The following HCN2 variants were observed in gnomAD, a reference collection of about 807,000 sequenced individuals.
HCN2 encodes the protein potassium/sodium hyperpolarization-activated cyclic nucleotide-gated channel 2.
A neutral mutation model predicts 52.3 loss-of-function variants in HCN2; 20 were observed. The observed-to-expected ratio is 0.38, with a 90% CI of 0.27 to 0.56. The LOEUF (loss-of-function observed/expected upper bound fraction) is 0.56. Ranked by LOEUF, HCN2 falls within the 20% of genes least tolerant of loss-of-function variation. The pLI, the probability that HCN2 is intolerant of heterozygous loss-of-function variation, is 0.71. For missense variants in HCN2, 981 were observed against 1,207.7 expected, an observed-to-expected ratio of 0.81 and a Z score of 2.78; for synonymous variants, 694 against 537.0, an observed-to-expected ratio of 1.29 and a Z score of -4.04.
chr19:591,462 G>C lies in HCN2; in HGVS notation c.632+885G>C, dbSNP rs909593879. Among the ~76,000 whole-genome samples the C allele has an allele frequency of 3.9e-5, 6 of 152,168 alleles. No homozygotes were observed. The highest frequency in any genetic ancestry group is 1.4e-4 in the African/African-American group (6 of 41,450). On this transcript the variant is annotated intron_variant, in intron 1 of 7. Transcript: ENST00000251287. The surrounding 1 kb of genome is among the most constrained non-coding windows in gnomAD (Gnocchi z 4.1). ...TTTGTGTGTGTTGGGACCAGGTGGC[G>C]GGCGTGCGCGTGTACGCCCGGGGCC...
intron 1 of HCN2, among the ~76,000 whole-genome samples, chr19:596,510 G>T (rs551559922): frequency 6.6e-6 from 1 of 152,338 alleles, no homozygotes; most frequent in South Asian, 2.1e-4. Flanking sequence ...CAGGACCCCC[G>T]CGTTTCCGAG....
At position 594,848 on chromosome 19, in the gene HCN2, C is replaced by T. The variant is rs533644492; in HGVS notation, c.632+4271C>T. 9.2e-5 allele frequency among the ~76,000 whole-genome samples: 14 copies of T among 152,156 alleles called. No individual in the cohort carries two copies. The East Asian group carries it at 1.9e-3, about 21-fold the overall frequency. On this transcript the variant is annotated intron_variant, in intron 1 of 7. Coordinates refer to ENST00000251287, the MANE Select transcript of HCN2 (RefSeq NM_001194.4). ...TGGTCTGCGTGGAGGGGTCAGGGGT[C>T]GGGGTGGCCAAGGCCTCCCCGCTCT...
chr19:594,222 G>A (rs1600516146), intron 1 of HCN2, among the ~76,000 whole-genome samples: 1 of 45,974 alleles, frequency 2.2e-5, no homozygotes, highest in Non-Finnish European at 3.7e-5. Flanking sequence ...TGCCCCCGGT[G>A]TCACCGAGGG....
In HCN2 at chr19:611,190, G is replaced by A. The variant is rs144971808; in HGVS notation, c.1584+785G>A. ...GAACCGGGGGTCAGGATGTCAGCCT[G>A]TCTTTCTGGGAGATGTAGTTCAACC... On this transcript the variant is annotated intron_variant, in intron 5 of 7. Coordinates refer to ENST00000251287, the MANE Select transcript of HCN2 (RefSeq NM_001194.4). Among the ~76,000 whole-genome samples, 12 of 152,348 alleles carry A rather than the reference G, an allele frequency of 7.9e-5. No individual in the cohort carries two copies. The South Asian group carries it at 2.3e-3, about 29-fold the overall frequency.
rs1400939618 is a variant in HCN2, at chr19:592,275, TG to T, written c.632+1703del. Among the ~76,000 whole-genome samples, 1 of 152,064 alleles carries T rather than the reference TG, an allele frequency of 6.6e-6. No homozygotes were observed. Among genetic ancestry groups the T allele is most frequent in the Non-Finnish European group, 1.5e-5 (1 of 67,988 alleles). On this transcript the variant is annotated intron_variant, in intron 1 of 7. Coordinates refer to ENST00000251287, the MANE Select transcript of HCN2 (RefSeq NM_001194.4). The surrounding 1 kb of genome is among the most constrained non-coding windows in gnomAD (Gnocchi z 4.8). ...CGACAGAGATGGGTGCACCGCAGCGTGGGGGCTGGCAGGTGGAGGCCCACAC... is the reference window on the plus strand; with the variant it reads ...CGACAGAGATGGGTGCACCGCAGCGTGGGGCTGGCAGGTGGAGGCCCACAC...
chr19:596,366 G>C (rs1983029607), intron 1 of HCN2, among the ~76,000 whole-genome samples: 1 of 152,176 alleles, frequency 6.6e-6, no homozygotes, highest in Non-Finnish European at 1.5e-5. Context: ...TGGAGTGAGA[G>C]GGGGTCCGAG....
In HCN2 at chr19:615,997, G is replaced by A. The variant is rs1201796734; in HGVS notation, c.2193G>A (p.Gln731=). 6.4e-7 allele frequency: 1 copy of A among 1,558,476 alleles called. No homozygotes were observed. Among genetic ancestry groups the A allele is most frequent in the East Asian group, 2.4e-5 (1 of 41,230 alleles). ...PQVTSAIATL[Q]QAAAMSFCPQ... ...TCACCTCGGCCATCGCCACGCTGCA[G>A]CAGGCGGCGGCCATGAGCTTCTGCC... Residue 731 remains glutamine, a synonymous_variant, in exon 8 of 8, where the codon CAG becomes CAA. Coordinates refer to ENST00000251287, the MANE Select transcript of HCN2 (RefSeq NM_001194.4).
intron 5 of HCN2, among the ~76,000 whole-genome samples, chr19:610,786 C>T (rs926292939): frequency 1.3e-5 from 2 of 152,126 alleles, no homozygotes; most frequent in African/African-American, 4.8e-5. Context: ...CCTGAGTGAC[C>T]CTGGGCAAGT....
In HCN2 at chr19:612,427, T is replaced by TGTGTGTGTGTGTGTGTGTGTGTGA; in HGVS notation, c.1585-820_1585-819insTGTGTGTGTGTGTGTGTGTGTGAG. On this transcript the variant is annotated intron_variant, in intron 5 of 7. Transcript: ENST00000251287. ...GTGTGTGTGTGTGTGTGTGTGTGTG[T>TGTGTGTGTGTGTGTGTGTGTGTGA]GAGAGAGAGATGGAGTCTCGCTCTG... Among the ~76,000 whole-genome samples, 314 of 142,226 alleles carry TGTGTGTGTGTGTGTGTGTGTGTGA rather than the reference T, an allele frequency of 2.2e-3. 1 individual carries two copies. Among genetic ancestry groups the TGTGTGTGTGTGTGTGTGTGTGTGA allele is most frequent in the African/African-American group, 5.3e-3 (201 of 38,094 alleles). 93.3% of individuals were successfully genotyped at this position (142,226 alleles called of 152,430 possible). A position where few individuals can be genotyped will look rare whatever the true frequency, so the allele number is the denominator to read the frequency against.
chr19:616,486 C>T lies in HCN2; in HGVS notation c.*12C>T, dbSNP rs1470177674. On this transcript the variant is annotated 3_prime_UTR_variant, in exon 8 of 8. Transcript: ENST00000251287. ...CGTCCAACTTGTGACCCTCGCCGAC[C>T]GCCCCGCGGGCCCAGGCGGGCCGGG... 3 of 1,216,772 alleles carry T rather than the reference C, an allele frequency of 2.5e-6. No individual in the cohort carries two copies. The highest frequency in any genetic ancestry group is 2.4e-5 in the South Asian group (1 of 41,292). The allele number at this position is 1,216,772 out of a possible 1,614,324, so 75.4% of individuals were successfully genotyped here. A position where few individuals can be genotyped will look rare whatever the true frequency, so the allele number is the denominator to read the frequency against.
rs752132558 is a variant in HCN2 at position 613,928 on chromosome 19, C to T, written c.1902C>T (p.Ser634=). 5.0e-6 allele frequency: 8 copies of T among 1,603,972 alleles called. No homozygotes were observed. Among genetic ancestry groups the T allele is most frequent in the Middle Eastern group, 1.8e-4 (1 of 5,458 alleles). The change falls in exon 7 of 8, where the codon AGC becomes AGT. Residue 634 remains serine (S), a synonymous_variant. Coordinates refer to ENST00000251287, the MANE Select transcript of HCN2 (RefSeq NM_001194.4). ...ADTYCRLYSL[S]VDNFNEVLEE... ...CCTACTGCCGCCTCTATTCGCTGAG[C>T]GTGGACAACTTCAACGAGGTGCTGG...
intron 5 of HCN2, among the ~76,000 whole-genome samples, chr19:611,070 G>C (rs987843917): frequency 6.6e-6 from 1 of 152,156 alleles, no homozygotes; most frequent in African/African-American, 2.4e-5. Context: ...AAATTCATCC[G>C]TCGTTGGATC....
chr19:604,692 G>A lies in HCN2; in HGVS notation c.1057-369G>A, dbSNP rs536990928. Among the ~76,000 whole-genome samples, 419 of 103,352 alleles carry A rather than the reference G, an allele frequency of 4.1e-3. 1 individual carries two copies. Among genetic ancestry groups the A allele is most frequent in the Admixed American group, 7.1e-3 (59 of 8,346 alleles). 67.8% of individuals were successfully genotyped at this position (103,352 alleles called of 152,430 possible). On this transcript the variant is annotated intron_variant, in intron 2 of 7. Transcript: ENST00000251287. ...GGCGGGGTCAGGCAGCAGGGGCGGG[G>A]CAATGCGGGTTTTGCTGGGGCAGGG...
intron 5 of HCN2, 114 bp from the exon 6 acceptor site, chr19:613,134 C>G: frequency 7.3e-7 from 1 of 1,373,338 alleles, no homozygotes; most frequent in Admixed American, 2.2e-5. Context: ...GGGGCTGAGC[C>G]CGTCTCTCAG....
At chr19:615,345 TAAAA>T (rs376021003) in intron 7 of HCN2, among the ~76,000 whole-genome samples, 4 of 148,586 alleles carry the variant, frequency 2.7e-5, no homozygotes, top group Non-Finnish European at 6.0e-5. Context: ...CCGTCTCTAC[TAAAA>T]AAAAAATACA....
In HCN2 at chr19:603,925, G is replaced by GCGCCTCTCA. The variant is rs1466931526; in HGVS notation, c.1020_1028dup (p.Ser341_Leu343dup). ...AGATCCTCAGCCTCCTGCGGCTGCT[G>GCGCCTCTCA]CGCCTCTCACGCCTGATCCGCTACA... On this transcript the variant is annotated inframe_insertion, in exon 2 of 8. Transcript: ENST00000251287. 1 of 1,610,660 alleles carries GCGCCTCTCA rather than the reference G, an allele frequency of 6.2e-7. No homozygotes were observed. Among genetic ancestry groups the GCGCCTCTCA allele is most frequent in the Non-Finnish European group, 8.5e-7 (1 of 1,179,668 alleles).
chr19:610,879 G>A (rs897820369), intron 5 of HCN2, among the ~76,000 whole-genome samples: 1 of 152,186 alleles, frequency 6.6e-6, no homozygotes, highest in Admixed American at 6.5e-5. Context: ...CTGGAGGCCG[G>A]AAGCCCAACA....
chr19:592,060 G>C lies in HCN2; in HGVS notation c.632+1483G>C, dbSNP rs1474542262. On this transcript the variant is annotated intron_variant, in intron 1 of 7. Transcript: ENST00000251287. This position sits in a 1 kb window ranked among gnomAD's most constrained non-coding sequence, Gnocchi z 4.8. Reference sequence around the variant, plus strand: ...CCTGCCTCTGTGCCCCACCGGGAGAGCTTGGTCAGCATCTGGGCTCTGGCC... The same window carrying C: ...CCTGCCTCTGTGCCCCACCGGGAGACCTTGGTCAGCATCTGGGCTCTGGCC... Among the ~76,000 whole-genome samples, 2 of 152,338 alleles carry C rather than the reference G, an allele frequency of 1.3e-5. No individual in the cohort carries two copies. Among genetic ancestry groups the C allele is most frequent in the South Asian group, 2.1e-4 (1 of 4,826 alleles).
In HCN2 at chr19:616,959, G is replaced by A. The variant is rs1468189334; in HGVS notation, c.*485G>A. On this transcript the variant is annotated 3_prime_UTR_variant, in exon 8 of 8. Transcript: ENST00000251287. ...TCCGCGCGCGTCCCCCGGTGACCTC[G>A]GGGAGCAGCACCCCGCCTCCCTCCA... The A allele has an allele frequency of 9.3e-6, 4 of 431,200 alleles. No individual in the cohort carries two copies. Among genetic ancestry groups the A allele is most frequent in the South Asian group, 4.5e-5 (2 of 44,712 alleles). The allele number at this position is 431,200 out of a possible 1,614,324, so 26.7% of individuals were successfully genotyped here.
Sources: allele counts gnomAD v4.1 joint callset (sites outside exome capture counted in the v4.1 genomes callset), GRCh38; gene constraint gnomAD v4.1.1; non-coding constraint Gnocchi (gnomAD v3.1); transcripts MANE v1.5; gene names NCBI Gene and HGNC (gene_info 2026-07-23, HGNC 2026-07-21).